The following PUS10 variants were observed in gnomAD, a reference collection of about 807,000 sequenced individuals.
PUS10 encodes tRNA pseudouridine synthase Pus10.
A neutral mutation model predicts 75.0 loss-of-function variants in PUS10; 59 were observed. The observed-to-expected ratio is 0.79, with a 90% CI of 0.64 to 0.98. The LOEUF (loss-of-function observed/expected upper bound fraction) is 0.98. Among genes scored for constraint, PUS10 ranks in the 50% least tolerant of loss-of-function variants. The pLI, the probability that PUS10 is intolerant of heterozygous loss-of-function variation, is 0.00. For missense variants in PUS10, 650 were observed against 614.4 expected, an observed-to-expected ratio of 1.06 and a Z score of -0.61; for synonymous variants, 219 against 211.6, an observed-to-expected ratio of 1.03 and a Z score of -0.30.
intron 1 of PUS10, among the ~76,000 whole-genome samples, chr2:61,012,742 G>A (rs1484317458): frequency 1.4e-5 from 2 of 144,242 alleles, no homozygotes; most frequent in South Asian, 2.3e-4. Context: ...GCTGAGGCAG[G>A]AGAATCACTT....
chr2:60,950,140 C>CTA (rs1388981773), intron 15 of PUS10, among the ~76,000 whole-genome samples: 1 of 152,156 alleles, frequency 6.6e-6, no homozygotes, highest in African/African-American at 2.4e-5. Flanking sequence ...AGGGTCTTAG[C>CTA]TATAGAATCA....
At position 60,975,018 on chromosome 2, in the gene PUS10, C is replaced by G. The variant is rs1189380790; in HGVS notation, c.469-3461G>C. Among the ~76,000 whole-genome samples the G allele has an allele frequency of 1.6e-4, 24 of 152,266 alleles. 1 individual carries two copies. The highest frequency in any genetic ancestry group is 1.5e-3 in the Admixed American group (23 of 15,288). Reference sequence around the variant, plus strand: ...TGCCTGAATGTCTCACCAGTACCTTCTGATGTGTTAGTTTACTCTGCTAGC... The same window carrying G: ...TGCCTGAATGTCTCACCAGTACCTTGTGATGTGTTAGTTTACTCTGCTAGC... On this transcript the variant is annotated intron_variant, in intron 4 of 17. Coordinates refer to ENST00000316752, the MANE Select transcript of PUS10 (RefSeq NM_144709.4).
rs763962119 is a variant in PUS10, at chr2:60,948,171, G to A, written c.1323C>T (p.Asp441=). Residue 441 remains aspartate, a synonymous_variant, in exon 16 of 18, where the codon GAC becomes GAT. Coordinates refer to ENST00000316752, the MANE Select transcript of PUS10 (RefSeq NM_144709.4). The part of the protein sequence containing the change: ...FLNDIKDLKI[D]QKTPLRVLHR... ...GAAGGACGCGCAAAGGTGTTTTCTG[G>A]TCGATTTTTAAGTCCTAGGGGAGAA... 8 of 1,614,006 alleles carry A rather than the reference G, an allele frequency of 5.0e-6. No individual in the cohort carries two copies. Among genetic ancestry groups the A allele is most frequent in the Non-Finnish European group, 5.9e-6 (7 of 1,180,006 alleles).
intron 14 of PUS10, among the ~76,000 whole-genome samples, chr2:60,953,417 C>T (rs1573392126): frequency 6.6e-6 from 1 of 152,322 alleles, no homozygotes; most frequent in South Asian, 2.1e-4. Flanking sequence ...CTATTCTGAA[C>T]ATTTCACATA....
intron 4 of PUS10, among the ~76,000 whole-genome samples, chr2:60,981,184 C>T (rs1057105179): frequency 6.0e-5 from 9 of 150,942 alleles, no homozygotes; most frequent in Admixed American, 1.3e-4. Context: ...TGAGCCACCA[C>T]GCCAAGCCTA....
chr2:60,965,064 G>C lies in PUS10; in HGVS notation c.717C>G (p.Asn239Lys). 6.2e-7 allele frequency: 1 copy of C among 1,613,700 alleles called. No homozygotes were observed. The highest frequency in any genetic ancestry group is 1.7e-4 in the Middle Eastern group (1 of 6,060). Residue 239 changes from asparagine to lysine, a missense_variant, in exon 8 of 18, where the codon AAC becomes AAG. Coordinates refer to ENST00000316752, the MANE Select transcript of PUS10 (RefSeq NM_144709.4). ...AGCGGGAACCTTTCCTTACCTGTTTGTTTTTGGCTGGCTTAAAACAATCTG... is the reference window on the plus strand; with the variant it reads ...AGCGGGAACCTTTCCTTACCTGTTTCTTTTTGGCTGGCTTAAAACAATCTG... ...ICPDCFKPAK[N>K]KQSVFTRMAV...
At chr2:61,005,122 G>A (rs751939418) in intron 4 of PUS10, among the ~76,000 whole-genome samples, 89 of 152,122 alleles carry the variant, frequency 5.9e-4, no homozygotes, top group Non-Finnish European at 1.0e-3. Flanking sequence ...TTAGCCAGGC[G>A]TGGTGACGCA....
chr2:60,994,727 A>C (rs899331928), intron 4 of PUS10, among the ~76,000 whole-genome samples: 2 of 152,210 alleles, frequency 1.3e-5, no homozygotes, highest in African/African-American at 4.8e-5. Flanking sequence ...CATTTGGAGA[A>C]AGAAAATACT....
chr2:60,974,211 C>CTTTT (rs35241132), intron 4 of PUS10, among the ~76,000 whole-genome samples: 5 of 96,064 alleles, frequency 5.2e-5, no homozygotes, highest in East Asian at 2.9e-4. Context: ...GATAAAGCTC[C>CTTTT]TTTTTTTTTT....
At position 60,965,444 on chromosome 2, in the gene PUS10, G is replaced by C. The variant is rs376959009; in HGVS notation, c.656C>G (p.Thr219Arg). The change falls in exon 7 of 18, where the codon ACA becomes AGA. Residue 219 changes from threonine to arginine, a missense_variant. Physicochemically the swap from Thr to Arg is moderately conservative, Grantham distance 71. Coordinates refer to ENST00000316752, the MANE Select transcript of PUS10 (RefSeq NM_144709.4). ...EVSVVFAHPE[T>R]VEDCHFLAAI... Reference sequence around the variant, plus strand: ...TTACAGGAAGTGGCAATCCTCAACTGTTTCTGGGTGAGCAAAGACCACACT... The same window carrying C: ...TTACAGGAAGTGGCAATCCTCAACTCTTTCTGGGTGAGCAAAGACCACACT... The C allele has an allele frequency of 5.5e-5, 89 of 1,611,412 alleles. No individual in the cohort carries two copies. Among genetic ancestry groups the C allele is most frequent in the Non-Finnish European group, 7.3e-5 (86 of 1,179,078 alleles).
chr2:60,944,651 A>C (rs906665631), intron 17 of PUS10, among the ~76,000 whole-genome samples: 77 of 152,300 alleles, frequency 5.1e-4, no homozygotes, highest in African/African-American at 1.7e-3. Context: ...CCATTGGCTC[A>C]CCTCACTTTC....
intron 11 of PUS10, among the ~76,000 whole-genome samples, chr2:60,959,565 T>G (rs1031968549): frequency 2.0e-5 from 3 of 152,118 alleles, no homozygotes; most frequent in African/African-American, 4.8e-5. Flanking sequence ...ATTTTTGTAT[T>G]TTTAGTAGAC....
intron 7 of PUS10, 159 bp from the exon 8 acceptor site, chr2:60,965,262 G>T: frequency 1.0e-6 from 1 of 976,656 alleles, no homozygotes; most frequent in East Asian, 2.4e-5. Flanking sequence ...CAGGAACTAT[G>T]TTCAAGGACA....
At chr2:60,947,575 A>G (rs1573378114) in intron 16 of PUS10, among the ~76,000 whole-genome samples, 2 of 152,336 alleles carry the variant, frequency 1.3e-5, no homozygotes, top group African/African-American at 4.8e-5. Flanking sequence ...CACGCCTGTA[A>G]TCACAGCACT....
rs1409669364 is a variant in PUS10, at chr2:60,971,632, T to G, written c.469-75A>C. ...CAGTGAAATTAAGTCTCAATATCAT[T>G]ACTGAAGTGCTTAACTATTTGCTAA... On this transcript the variant is annotated intron_variant, in intron 4 of 17. Coordinates refer to ENST00000316752, the MANE Select transcript of PUS10 (RefSeq NM_144709.4). 5 of 1,347,600 alleles carry G rather than the reference T, an allele frequency of 3.7e-6. No homozygotes were observed. The African/African-American group carries it at 5.7e-5, about 15-fold the overall frequency. 83.5% of individuals were successfully genotyped at this position (1,347,600 alleles called of 1,614,324 possible).
chr2:60,964,813 G>T (rs997584626), intron 8 of PUS10, among the ~76,000 whole-genome samples: 1 of 152,092 alleles, frequency 6.6e-6, no homozygotes, highest in South Asian at 2.1e-4. Flanking sequence ...ATTTAACATC[G>T]TCAGGGGAAC....
At chr2:60,949,129 C>T (rs1212084759) in intron 15 of PUS10, among the ~76,000 whole-genome samples, 1 of 152,076 alleles carries the variant, frequency 6.6e-6, no homozygotes, top group Non-Finnish European at 1.5e-5. Flanking sequence ...GTCAATGGCT[C>T]CTCCTAACTC....
At chr2:60,992,719 C>T (rs1016694413) in intron 4 of PUS10, among the ~76,000 whole-genome samples, 2 of 152,070 alleles carry the variant, frequency 1.3e-5, no homozygotes, top group East Asian at 1.9e-4. Context: ...TGGCTCATGA[C>T]CACATTTAAA....
At chr2:61,007,933 T>C (rs1318045856) in intron 3 of PUS10, among the ~76,000 whole-genome samples, 5 of 150,026 alleles carry the variant, frequency 3.3e-5, no homozygotes, top group Non-Finnish European at 7.4e-5. Context: ...ATACAGAAAA[T>C]TAGCTGGGTG....
Sources: allele counts gnomAD v4.1 joint callset (sites outside exome capture counted in the v4.1 genomes callset), GRCh38; gene constraint gnomAD v4.1.1; transcripts MANE v1.5; gene names NCBI Gene and HGNC (gene_info 2026-07-23, HGNC 2026-07-21).